The following NEDD1 variants were observed in gnomAD, a reference collection of about 807,000 sequenced individuals.
NEDD1 encodes the protein NEDD1 gamma-tubulin ring complex targeting factor, also known as protein NEDD1.
In NEDD1, 33 loss-of-function variants were observed where a neutral mutation model predicts 74.0. The ratio of observed to expected loss-of-function variants is 0.45; its 90% CI spans 0.34 to 0.60. The LOEUF (loss-of-function observed/expected upper bound fraction) is 0.60. NEDD1 is among the 20% of genes least tolerant of loss of function. The probability of loss-of-function intolerance (pLI) is 0.01; values close to 1 mark genes in which losing one functional copy is unlikely to be tolerated. For missense variants in NEDD1, 746 were observed against 776.5 expected (o/e 0.96, Z 0.47); for synonymous variants, 250 against 264.4 (o/e 0.95, Z 0.53).
chr12:96,909,232 A>G (rs905130248), intron 2 of NEDD1, among the ~76,000 whole-genome samples: 1 of 152,046 alleles, frequency 6.6e-6, no homozygotes, highest in African/African-American at 2.4e-5. Context: ...AAATGAAATC[A>G]GGTATTGGGA....
intron 6 of NEDD1, among the ~76,000 whole-genome samples, chr12:96,920,518 T>C (rs1194161180): frequency 6.6e-6 from 1 of 152,148 alleles, no homozygotes; most frequent in Non-Finnish European, 1.5e-5. Flanking sequence ...CATGGAATGA[T>C]TGAGTGTGTT....
rs137877242 is a variant in NEDD1, at chr12:96,921,873, C to G, written c.489+1748C>G. Among the ~76,000 whole-genome samples, 278 of 151,866 alleles carry G rather than the reference C, an allele frequency of 1.8e-3. 6 individuals are homozygous for G. The East Asian group carries it at 0.048, about 26-fold the overall frequency. On this transcript the variant is annotated intron_variant, in intron 6 of 15. Coordinates refer to ENST00000266742, the MANE Select transcript of NEDD1 (RefSeq NM_152905.4). Reference sequence around the variant, plus strand: ...TCAAGTGATCCTCCTGCCTCAGTCTCCCAAAGTGCTGGGATTACAGGCATG... The same window carrying G: ...TCAAGTGATCCTCCTGCCTCAGTCTGCCAAAGTGCTGGGATTACAGGCATG...
At chr12:96,951,563 T>A (rs566462520) in intron 15 of NEDD1, 65 bp downstream of exon 15, 1 of 848,102 alleles carries the variant, frequency 1.2e-6, no homozygotes, top group East Asian at 2.6e-5. Flanking sequence ...TTTTTAAAAA[T>A]CCATGAAAGG....
At chr12:96,932,019 A>T (rs1000088472) in intron 6 of NEDD1, among the ~76,000 whole-genome samples, 4 of 152,116 alleles carry the variant, frequency 2.6e-5, no homozygotes, top group African/African-American at 9.7e-5. Context: ...CTTTTCATCT[A>T]TATATTGTCT....
chr12:96,907,422 G>T (rs1037125498), intron 1 of NEDD1, 122 bp downstream of exon 1: 1 of 532,960 alleles, frequency 1.9e-6, no homozygotes, highest in East Asian at 3.3e-5. Context: ...GGCTTTGCGC[G>T]CCCGGAGCGG....
intron 8 of NEDD1, 21 bp from the exon 9 acceptor site, chr12:96,937,177 A>G: frequency 6.9e-7 from 1 of 1,442,246 alleles, no homozygotes; most frequent in African/African-American, 1.4e-5. Context: ...CTGAGCTTTT[A>G]AATATTCCAT....
Position 96,952,127 on chromosome 12 carries a change from T to A in NEDD1, c.*74T>A, listed in dbSNP as rs1457816743. On this transcript the variant is annotated 3_prime_UTR_variant, in exon 16 of 16. Transcript: ENST00000266742. ...ACACAGAACTACATAGAATCAGTAT[T>A]GTTTTCATGGCCTCCAGGGAAAAAA... is the stretch of plus-strand genomic sequence containing the variant. 1.3e-6 allele frequency: 1 copy of A among 790,166 alleles called. No homozygotes were observed. The highest frequency in any genetic ancestry group is 1.5e-5 in the South Asian group (1 of 66,310). The allele number at this position is 790,166 out of a possible 1,614,324, so 48.9% of individuals were successfully genotyped here.
chr12:96,938,763 A>T (rs1256568242), intron 9 of NEDD1, among the ~76,000 whole-genome samples: 1 of 152,032 alleles, frequency 6.6e-6, no homozygotes, highest in Non-Finnish European at 1.5e-5. Context: ...GATGCACTTT[A>T]TAAATTTTGC....
chr12:96,928,937 G>A (rs1201412871), intron 6 of NEDD1, among the ~76,000 whole-genome samples: 1 of 151,720 alleles, frequency 6.6e-6, no homozygotes, highest in Non-Finnish European at 1.5e-5. Flanking sequence ...TGATCTGCCC[G>A]CCTCGGCCTC....
chr12:96,909,624 G>A, intron 2 of NEDD1, 128 bp from the exon 3 acceptor site: 3 of 691,324 alleles, frequency 4.3e-6, no homozygotes, highest in Non-Finnish European at 7.3e-6. Flanking sequence ...CAACTGCTTT[G>A]GTGACTGCAC....
intron 6 of NEDD1, among the ~76,000 whole-genome samples, chr12:96,931,202 G>A (rs1448930824): frequency 6.6e-6 from 1 of 152,116 alleles, no homozygotes; most frequent in East Asian, 1.9e-4. Context: ...CTGCTTTATA[G>A]TGCCTAGTAA....
chr12:96,946,847 C>CA (rs997891678), intron 14 of NEDD1, among the ~76,000 whole-genome samples: 4 of 152,206 alleles, frequency 2.6e-5, no homozygotes, highest in Admixed American at 2.6e-4. Flanking sequence ...CTGAATGCAG[C>CA]AAACCCCGTC....
chr12:96,949,716 TGAAATAAGCTG>T (rs1017409769), intron 14 of NEDD1, among the ~76,000 whole-genome samples: 2 of 152,002 alleles, frequency 1.3e-5, no homozygotes, highest in African/African-American at 4.8e-5. Flanking sequence ...GCCAAAGGAA[TGAAATAAGCTG>T]GAAAGAAACC....
At position 96,912,703 on chromosome 12, in the gene NEDD1, C is replaced by G. The variant is rs759650234; in HGVS notation, c.137-20C>G. Reference sequence around the variant, plus strand: ...ATAGATGTTCATGGATTGTTTGATGCTCCATAACTCCTCATTTAGATAACT... The same window carrying G: ...ATAGATGTTCATGGATTGTTTGATGGTCCATAACTCCTCATTTAGATAACT... On this transcript the variant is annotated intron_variant, in intron 3 of 15. Coordinates refer to ENST00000266742, the MANE Select transcript of NEDD1 (RefSeq NM_152905.4). The G allele has an allele frequency of 1.9e-5, 23 of 1,179,574 alleles. No individual in the cohort carries two copies. In the East Asian group the frequency reaches 5.1e-4, roughly 26 times the overall value. The allele number at this position is 1,179,574 out of a possible 1,614,324, so 73.1% of individuals were successfully genotyped here. A position where few individuals can be genotyped will look rare whatever the true frequency, so the allele number is the denominator to read the frequency against.
rs527602796 is a variant in NEDD1 at position 96,945,968 on chromosome 12, G to A, written c.1811+119G>A. On this transcript the variant is annotated intron_variant, in intron 14 of 15. Coordinates refer to ENST00000266742, the MANE Select transcript of NEDD1 (RefSeq NM_152905.4). ...TTGTCTAGGTTCTGGTAATCCTAAA[G>A]CCATAGAAAACATAATGAGTTTTGT... The A allele has an allele frequency of 4.9e-5, 30 of 610,386 alleles. No individual in the cohort carries two copies. In the East Asian group the frequency reaches 5.8e-4, roughly 12 times the overall value. 37.8% of individuals were successfully genotyped at this position (610,386 alleles called of 1,614,324 possible). A position where few individuals can be genotyped will look rare whatever the true frequency, so the allele number is the denominator to read the frequency against.
chr12:96,912,674 T>G, intron 3 of NEDD1, 49 bp from the exon 4 acceptor site: 1 of 846,712 alleles, frequency 1.2e-6, no homozygotes, highest in Non-Finnish European at 2.0e-6. Context: ...AATAGTCTAG[T>G]GCTATAGATG....
At chr12:96,930,328 A>G (rs1008410766) in intron 6 of NEDD1, among the ~76,000 whole-genome samples, 1 of 152,024 alleles carries the variant, frequency 6.6e-6, no homozygotes, top group Admixed American at 6.6e-5. Flanking sequence ...GTATATAGTC[A>G]TACTCATGGC....
At chr12:96,941,598 C>T (rs1384752966) in intron 10 of NEDD1, among the ~76,000 whole-genome samples, 2 of 152,030 alleles carry the variant, frequency 1.3e-5, no homozygotes, top group African/African-American at 2.4e-5. Context: ...AGAAAGGTTT[C>T]TGGGATTAGT....
intron 4 of NEDD1, 86 bp from the exon 5 acceptor site, chr12:96,917,535 T>G: frequency 2.9e-6 from 4 of 1,356,296 alleles, no homozygotes; most frequent in Non-Finnish European, 2.9e-6. Context: ...ATATTTATCA[T>G]ATGCTTACTA....
Sources: allele counts gnomAD v4.1 joint callset (sites outside exome capture counted in the v4.1 genomes callset), GRCh38; gene constraint gnomAD v4.1.1; transcripts MANE v1.5; gene names NCBI Gene and HGNC (gene_info 2026-07-23, HGNC 2026-07-21).